Variants in ADK observed in about 807,000 individuals in gnomAD.
ADK encodes the protein adenosine kinase.
ADK carries 24 observed loss-of-function variants against 44.7 expected under a neutral mutation model. The observed-to-expected ratio is 0.54, with a 90% CI of 0.39 to 0.76. The LOEUF is 0.76. Among genes scored for constraint, ADK ranks in the 30% least tolerant of loss-of-function variants. The pLI, the probability that ADK is intolerant of heterozygous loss-of-function variation, is 0.00. For synonymous variants in ADK, 128 were observed against 142.6 expected (o/e 0.90, Z 0.73); for missense variants, 321 against 425.1 (o/e 0.76, Z 2.15).
At position 74,155,793 on chromosome 10, in the gene ADK, A is replaced by G. The variant is rs150863689; in HGVS notation, c.65+4450A>G. On this transcript the variant is annotated intron_variant, in intron 1 of 10. Coordinates refer to ENST00000539909, the MANE Select transcript of ADK (RefSeq NM_006721.4). Reference sequence around the variant, plus strand: ...CGTGATCCACCCGCCTCAGCCTCCCAAAGTGCTGGATTACAGGGGTGAGCC... The same window carrying G: ...CGTGATCCACCCGCCTCAGCCTCCCGAAGTGCTGGATTACAGGGGTGAGCC... Among the ~76,000 whole-genome samples, 424 of 152,266 alleles carry G rather than the reference A, an allele frequency of 2.8e-3. 1 individual carries two copies. The highest frequency in any genetic ancestry group is 9.5e-3 in the African/African-American group (395 of 41,562).
intron 9 of ADK, among the ~76,000 whole-genome samples, chr10:74,650,897 A>G (rs1013677461): frequency 1.3e-5 from 2 of 152,208 alleles, no homozygotes; most frequent in Non-Finnish European, 2.9e-5. Context: ...CCTAAAATGA[A>G]TTATCTCCCA....
chr10:74,230,034 T>C (rs1844694425), intron 3 of ADK, among the ~76,000 whole-genome samples: 2 of 145,978 alleles, frequency 1.4e-5, no homozygotes, highest in South Asian at 4.3e-4. Context: ...AATGAGACCC[T>C]GTTAAAAGAA....
chr10:74,199,989 A>AT (rs1335515505), intron 1 of ADK, among the ~76,000 whole-genome samples: 1 of 151,392 alleles, frequency 6.6e-6, no homozygotes, highest in Non-Finnish European at 1.5e-5. Context: ...AGAATGATTC[A>AT]TTTTTCTTTG....
chr10:74,495,282 CT>C (rs1360598118), intron 6 of ADK, among the ~76,000 whole-genome samples: 1 of 151,234 alleles, frequency 6.6e-6, no homozygotes, highest in Non-Finnish European at 1.5e-5. Context: ...TTTTTTCTTT[CT>C]TTTTGATTTT....
chr10:74,700,795 T>C (rs1589381409), intron 10 of ADK, among the ~76,000 whole-genome samples: 1 of 152,340 alleles, frequency 6.6e-6, no homozygotes, highest in African/African-American at 2.4e-5. Flanking sequence ...ATATCTTTTA[T>C]AGAATTTTTA....
At chr10:74,560,301 C>T (rs1288127619) in intron 7 of ADK, among the ~76,000 whole-genome samples, 3 of 152,102 alleles carry the variant, frequency 2.0e-5, no homozygotes, top group Admixed American at 6.5e-5. Flanking sequence ...TAGTCTTGTC[C>T]TTTATCCCTT....
intron 10 of ADK, among the ~76,000 whole-genome samples, chr10:74,676,921 T>A (rs1461370070): frequency 6.6e-6 from 1 of 152,168 alleles, no homozygotes; most frequent in African/African-American, 2.4e-5. Flanking sequence ...ATAATTCTCC[T>A]ATTTCCCATC....
At chr10:74,556,762 T>C (rs1252597648) in intron 7 of ADK, among the ~76,000 whole-genome samples, 2 of 152,220 alleles carry the variant, frequency 1.3e-5, no homozygotes, top group Non-Finnish European at 2.9e-5. Context: ...TAGTTCCTTT[T>C]ATGTCCATTA....
chr10:74,422,933 T>TGCAGCCTGATG (rs1844615716), intron 6 of ADK, among the ~76,000 whole-genome samples: 1 of 152,140 alleles, frequency 6.6e-6, no homozygotes, highest in South Asian at 2.1e-4. Context: ...GGGAGGGGGC[T>TGCAGCCTGATG]GCAGCCTGAT....
At chr10:74,190,815 G>A (rs1185944981) in intron 1 of ADK, among the ~76,000 whole-genome samples, 1 of 152,090 alleles carries the variant, frequency 6.6e-6, no homozygotes, top group East Asian at 1.9e-4. Context: ...TGCTTTTCAG[G>A]GCTAGCCTGG....
At chr10:74,688,303 G>T (rs1855864493) in intron 10 of ADK, among the ~76,000 whole-genome samples, 2 of 151,990 alleles carry the variant, frequency 1.3e-5, no homozygotes. Flanking sequence ...TTACTTATTT[G>T]TTTACTTGTT....
intron 6 of ADK, among the ~76,000 whole-genome samples, chr10:74,448,354 C>T (rs2133174452): frequency 6.6e-6 from 1 of 152,122 alleles, no homozygotes; most frequent in Admixed American, 6.5e-5. Context: ...AGCCGTATGA[C>T]CTTGGACAAC....
chr10:74,600,935 C>T (rs1852099285), intron 9 of ADK, among the ~76,000 whole-genome samples: 1 of 151,628 alleles, frequency 6.6e-6, no homozygotes, highest in African/African-American at 2.4e-5. Flanking sequence ...TTATAGCACT[C>T]ATAAAACAGG....
chr10:74,457,046 G>A (rs1845975124), intron 6 of ADK, among the ~76,000 whole-genome samples: 2 of 152,072 alleles, frequency 1.3e-5, no homozygotes, highest in African/African-American at 4.8e-5. Context: ...CCAGGAGCTG[G>A]TTTTTTGAAA....
chr10:74,513,757 C>T (rs1323276605), intron 6 of ADK, among the ~76,000 whole-genome samples: 2 of 152,052 alleles, frequency 1.3e-5, no homozygotes, highest in Non-Finnish European at 2.9e-5. Context: ...TGAGGACTTA[C>T]TCCTGTCATT....
chr10:74,200,096 T>C (rs1237387352), intron 1 of ADK, among the ~76,000 whole-genome samples: 2 of 152,080 alleles, frequency 1.3e-5, no homozygotes, highest in African/African-American at 4.8e-5. Flanking sequence ...GCTAACCTAA[T>C]TTGCATTCCC....
intron 10 of ADK, among the ~76,000 whole-genome samples, chr10:74,692,007 T>C (rs1169156138): frequency 2.6e-5 from 4 of 152,224 alleles, no homozygotes; most frequent in Admixed American, 2.0e-4. Context: ...GATCTAGCGA[T>C]CAGGCTCCTT....
At chr10:74,467,328 T>C (rs1396855861) in intron 6 of ADK, among the ~76,000 whole-genome samples, 1 of 152,250 alleles carries the variant, frequency 6.6e-6, no homozygotes, top group South Asian at 2.1e-4. Flanking sequence ...GCAGACTTGA[T>C]GCAATGAAGA....
At chr10:74,270,673 G>A (rs1033220300) in intron 3 of ADK, among the ~76,000 whole-genome samples, 3 of 152,204 alleles carry the variant, frequency 2.0e-5, no homozygotes, top group Admixed American at 6.5e-5. Flanking sequence ...CGTAAGTACA[G>A]TAGGAGACAT....
Sources: allele counts gnomAD v4.1 joint callset (sites outside exome capture counted in the v4.1 genomes callset), GRCh38; gene constraint gnomAD v4.1.1; transcripts MANE v1.5; gene names NCBI Gene and HGNC (gene_info 2026-07-23, HGNC 2026-07-21).